Variants in ORC5 observed in about 807,000 individuals in gnomAD.
ORC5 encodes the protein origin recognition complex subunit 5, also known as protein phosphatase 1, regulatory subunit 117.
Under a neutral mutation model 58.8 loss-of-function variants are expected in ORC5, and 39 were observed. The observed-to-expected ratio is 0.66, with a 90% CI of 0.51 to 0.87. The LOEUF (loss-of-function observed/expected upper bound fraction) is 0.87, where lower values mean the gene tolerates loss of function less well. Ranked by LOEUF, ORC5 falls within the 40% of genes least tolerant of loss-of-function variation. ORC5 has a pLI of 0.00. For synonymous variants in ORC5, 218 were observed against 177.6 expected (o/e 1.23, Z -1.81); for missense variants, 493 against 506.3 (o/e 0.97, Z 0.25).
intron 8 of ORC5, 110 bp downstream of exon 8, chr7:104,183,833 A>T: frequency 1.4e-6 from 1 of 732,348 alleles, no homozygotes; most frequent in Non-Finnish European, 2.3e-6. Context: ...GCCAATCCTC[A>T]AACAGATATC....
At chr7:104,191,551 G>A (rs193148237) in intron 5 of ORC5, among the ~76,000 whole-genome samples, 13 of 151,454 alleles carry the variant, frequency 8.6e-5, no homozygotes, top group East Asian at 1.9e-4. Context: ...TGTTATCACC[G>A]GCCGATTTCA....
chr7:104,195,227 G>C lies in ORC5; in HGVS notation c.469C>G (p.Leu157Val). 1.9e-6 allele frequency: 3 copies of C among 1,563,180 alleles called. No homozygotes were observed. Among genetic ancestry groups the C allele is most frequent in the Non-Finnish European group, 2.6e-6 (3 of 1,160,662 alleles). ...LADRNVTVLFLSEIVWEKFRP... is the reference protein window; with the variant it reads ...LADRNVTVLFVSEIVWEKFRP... ...AACTTTTCCCAAACAATTTCACTGA[G>C]AAAGAGAACAGTCACATTTCTGTCA... is the stretch of plus-strand genomic sequence containing the variant. Residue 157 changes from leucine (L) to valine (V), a missense_variant, in exon 5 of 14, where the codon CTC becomes GTC. Around this residue, in one of 3 missense-constraint regions of ORC5, gnomAD observed 412 missense variants for 403.7 expected, o/e 1.02. Transcript: ENST00000297431.
intron 8 of ORC5, among the ~76,000 whole-genome samples, chr7:104,179,697 A>T (rs543096345): frequency 1.3e-5 from 2 of 150,854 alleles, no homozygotes; most frequent in African/African-American, 4.9e-5. Flanking sequence ...TTCTAGTTTC[A>T]CGTTAGTAAA....
At chr7:104,199,355 A>G (rs9656092) in intron 3 of ORC5, among the ~76,000 whole-genome samples, 106,091 of 151,928 alleles carry the variant, frequency 0.7, 37,610 homozygotes, top group Non-Finnish European at 0.75. Flanking sequence ...GGAGCTGCAC[A>G]AGGCCATGGG....
At chr7:104,189,572 A>C (rs1369918124) in intron 5 of ORC5, among the ~76,000 whole-genome samples, 1 of 152,124 alleles carries the variant, frequency 6.6e-6, no homozygotes. Context: ...ATGACCAATG[A>C]TTTAATCAAA....
At chr7:104,166,024 T>C (rs1799101377) in intron 10 of ORC5, among the ~76,000 whole-genome samples, 1 of 143,206 alleles carries the variant, frequency 7.0e-6, no homozygotes, top group Admixed American at 7.1e-5. Context: ...AGAGTGACAC[T>C]CTGTCTCAAA....
chr7:104,174,063 CT>C (rs1389302636), intron 8 of ORC5, among the ~76,000 whole-genome samples: 5 of 151,886 alleles, frequency 3.3e-5, no homozygotes, highest in African/African-American at 9.6e-5. Flanking sequence ...CCGGGATGGT[CT>C]CGATCTCCTG....
chr7:104,159,758 A>G (rs2115845379), intron 12 of ORC5, among the ~76,000 whole-genome samples: 1 of 152,250 alleles, frequency 6.6e-6, no homozygotes, highest in Non-Finnish European at 1.5e-5. Context: ...ATCATATTGT[A>G]AAAGTTGTTT....
intron 12 of ORC5, among the ~76,000 whole-genome samples, chr7:104,140,825 A>G (rs894238219): frequency 1.3e-5 from 2 of 152,232 alleles, no homozygotes; most frequent in African/African-American, 4.8e-5. Flanking sequence ...TTATTAAGGT[A>G]TCTACATAAT....
chr7:104,201,142 G>A (rs894778666), intron 2 of ORC5, among the ~76,000 whole-genome samples, 184 bp from the exon 3 acceptor site: 8 of 152,166 alleles, frequency 5.3e-5, no homozygotes, highest in Non-Finnish European at 1.0e-4. Context: ...TCTCTGGATG[G>A]AGAAGCCAAT....
At chr7:104,207,236 G>C (rs1800111009) in intron 1 of ORC5, among the ~76,000 whole-genome samples, 2 of 152,110 alleles carry the variant, frequency 1.3e-5, no homozygotes, top group African/African-American at 4.8e-5. Context: ...TCTGCCTATT[G>C]AAAGGACTCC....
chr7:104,193,228 A>G (rs931658537), intron 5 of ORC5, among the ~76,000 whole-genome samples: 8 of 152,040 alleles, frequency 5.3e-5, no homozygotes, highest in Non-Finnish European at 1.2e-4. Context: ...GAGGTTTATA[A>G]TAATAGTTGA....
intron 12 of ORC5, among the ~76,000 whole-genome samples, chr7:104,157,982 G>A (rs1171111308): frequency 1.3e-5 from 2 of 151,708 alleles, no homozygotes; most frequent in Admixed American, 1.3e-4. Flanking sequence ...TCTATCCTTT[G>A]GAAATAAGAT....
At chr7:104,192,526 A>G (rs1223114176) in intron 5 of ORC5, among the ~76,000 whole-genome samples, 5 of 152,166 alleles carry the variant, frequency 3.3e-5, no homozygotes, top group Admixed American at 6.5e-5. Flanking sequence ...CTCTCCAAAA[A>G]AAGCTTAAAA....
chr7:104,186,574 C>T (rs1799548010), intron 6 of ORC5, among the ~76,000 whole-genome samples: 1 of 152,036 alleles, frequency 6.6e-6, no homozygotes, highest in South Asian at 2.1e-4. Context: ...TAGAACTAGC[C>T]TCTGAAAAAT....
chr7:104,155,485 T>C (rs1798909597), intron 12 of ORC5, among the ~76,000 whole-genome samples: 1 of 151,368 alleles, frequency 6.6e-6, no homozygotes, highest in African/African-American at 2.4e-5. Flanking sequence ...TAATTCAGAA[T>C]ACATTATTTT....
chr7:104,207,589 C>A (rs747702360), intron 1 of ORC5, among the ~76,000 whole-genome samples: 7 of 152,176 alleles, frequency 4.6e-5, no homozygotes, highest in Non-Finnish European at 1.0e-4. Context: ...AAAAGTGTGG[C>A]GTGTTTCAAA....
intron 6 of ORC5, 48 bp downstream of exon 6, chr7:104,188,195 TACACACAC>T (rs34643155): frequency 7.7e-4 from 779 of 1,017,230 alleles, no homozygotes; most frequent in Non-Finnish European, 1.1e-3. Context: ...CATATATGTA[TACACACAC>T]ACACACACAC....
chr7:104,152,289 A>T (rs1798858507), intron 12 of ORC5, among the ~76,000 whole-genome samples: 1 of 152,096 alleles, frequency 6.6e-6, no homozygotes, highest in South Asian at 2.1e-4. Context: ...CTGGGATTAC[A>T]ATCACGCACC....
Sources: gnomAD v4.1 joint callset for allele counts (sites outside exome capture counted in the v4.1 genomes callset) on GRCh38, gnomAD v4.1.1 for gene constraint, gnomAD v4.1.1 regional missense constraint, MANE v1.5 for transcripts, NCBI Gene and HGNC (gene_info 2026-07-23, HGNC 2026-07-21) for gene names.